SIK3: variants seen among roughly 807,000 people sequenced by gnomAD.
The protein encoded by SIK3 is serine/threonine-protein kinase SIK3.
A neutral mutation model predicts 144.2 loss-of-function variants in SIK3; 28 were observed. The observed-to-expected ratio is 0.19, with a 90% confidence interval of 0.14 to 0.27. The LOEUF is 0.27. Ranked by LOEUF, SIK3 falls within the 10% of genes least tolerant of loss-of-function variation. The pLI is 1.00. For synonymous variants in SIK3, 686 were observed against 676.3 expected (o/e 1.01, Z -0.22); for missense variants, 1,319 against 1,776.0 (o/e 0.74, Z 4.62).
intron 1 of SIK3, among the ~76,000 whole-genome samples, chr11:116,982,177 C>T (rs1950161363): frequency 6.6e-6 from 1 of 152,182 alleles, no homozygotes; most frequent in South Asian, 2.1e-4. Context: ...CCAGTAGGAC[C>T]TTCCACTATG....
intron 18 of SIK3, 92 bp from the exon 19 acceptor site, chr11:116,861,475 T>G (rs1229194460): frequency 1.1e-6 from 1 of 946,064 alleles, no homozygotes; most frequent in African/African-American, 1.7e-5. Context: ...CAGTGGAAAC[T>G]ATTTTTTTTT....
intron 6 of SIK3, among the ~76,000 whole-genome samples, chr11:116,888,376 T>C (rs923838486): frequency 2.6e-5 from 4 of 152,184 alleles, no homozygotes; most frequent in Non-Finnish European, 4.4e-5. Flanking sequence ...CAGAAGACTA[T>C]GCTCCAGGTC....
intron 1 of SIK3, among the ~76,000 whole-genome samples, chr11:117,013,904 G>GT (rs1565556551): frequency 0.036 from 2,231 of 62,286 alleles, 184 homozygotes; most frequent in African/African-American, 0.096. Context: ...TTCTGAGGGG[G>GT]GGGGGGGGAG....
chr11:116,950,218 G>C (rs1477697561), intron 3 of SIK3: 1 of 463,500 alleles, frequency 2.2e-6, no homozygotes, highest in Admixed American at 2.5e-5. Context: ...GCAATAGGCA[G>C]CTCGGGGCAG....
intron 1 of SIK3, among the ~76,000 whole-genome samples, chr11:117,013,972 CTTTTTTTTTTTTTTT>C (rs71037442): frequency 3.7e-5 from 1 of 27,044 alleles, no homozygotes; most frequent in Non-Finnish European, 7.4e-5. Flanking sequence ...TTTTTCTTTT[CTTTTTTTTTTTTTTT>C]TTTTTTTGAG....
chr11:117,094,432 C>A (rs999088801), intron 1 of SIK3, among the ~76,000 whole-genome samples: 1 of 151,850 alleles, frequency 6.6e-6, no homozygotes, highest in Admixed American at 6.6e-5. Context: ...TAATGAGACC[C>A]CCATCTCTAC....
intron 1 of SIK3, among the ~76,000 whole-genome samples, chr11:117,084,068 CTTCT>C (rs770190426): frequency 1.1e-4 from 16 of 152,218 alleles, no homozygotes; most frequent in Non-Finnish European, 1.6e-4. Context: ...ACAGCTTTGA[CTTCT>C]TTATCATTTT....
At chr11:117,042,611 C>T (rs1267234303) in intron 1 of SIK3, among the ~76,000 whole-genome samples, 1 of 152,136 alleles carries the variant, frequency 6.6e-6, no homozygotes, top group Non-Finnish European at 1.5e-5. Flanking sequence ...ACTGACTACC[C>T]GAATGTTTTC....
At chr11:116,898,106 C>T (rs1472751138) in intron 4 of SIK3, among the ~76,000 whole-genome samples, 1 of 151,864 alleles carries the variant, frequency 6.6e-6, no homozygotes, top group Admixed American at 6.6e-5. Context: ...GTATATCTCC[C>T]AATGCTATCC....
chr11:116,958,260 G>A lies in SIK3; in HGVS notation c.274-1196C>T, dbSNP rs7951842. Among the ~76,000 whole-genome samples the A allele has an allele frequency of 7.6e-3, 1,162 of 152,304 alleles. 13 individuals are homozygous for A. The highest frequency in any genetic ancestry group is 0.027 in the African/African-American group (1,118 of 41,566). On this transcript the variant is annotated intron_variant, in intron 1 of 24. Coordinates refer to ENST00000445177, the MANE Select transcript of SIK3 (RefSeq NM_001366686.3). ...TGTTTAGCTCAGAGAAATAAAGACT[G>A]TTTGGAGCCATACGTGGCAGATTAT...
intron 1 of SIK3, among the ~76,000 whole-genome samples, chr11:117,044,763 T>C (rs1952887172): frequency 2.0e-5 from 3 of 152,148 alleles, no homozygotes; most frequent in Admixed American, 1.3e-4. Flanking sequence ...TATACGCTTG[T>C]TGTCCCAGCT....
chr11:117,078,327 C>CA (rs1954639878), intron 1 of SIK3, among the ~76,000 whole-genome samples: 1 of 151,938 alleles, frequency 6.6e-6, no homozygotes, highest in African/African-American at 2.4e-5. Flanking sequence ...TCCAATGAAT[C>CA]AGTCAAATAC....
intron 7 of SIK3, 39 bp from the exon 8 acceptor site, chr11:116,876,402 T>A: frequency 6.7e-7 from 1 of 1,494,364 alleles, no homozygotes; most frequent in African/African-American, 1.4e-5. Flanking sequence ...ACCCCCCAAT[T>A]AACCACATCA....
Position 117,098,169 on chromosome 11 carries a change from C to T in SIK3, c.247G>A (p.Ala83Thr). 6.6e-7 allele frequency: 1 copy of T among 1,516,394 alleles called. No homozygotes were observed. Among genetic ancestry groups the T allele is most frequent in the Non-Finnish European group, 8.8e-7 (1 of 1,131,308 alleles). 93.9% of individuals were successfully genotyped at this position (1,516,394 alleles called of 1,614,324 possible). ...TTGGCCTTGGTGACGAGGTGCGTGGCCCGCTTGACCACCGCGAAGTTGCCC... is the reference window on the plus strand; with the variant it reads ...TTGGCCTTGGTGACGAGGTGCGTGGTCCGCTTGACCACCGCGAAGTTGCCC... ...GKGNFAVVKR[A>T]THLVTKAKVA... The change falls in exon 1 of 25, where the codon GCC becomes ACC. Residue 83 changes from alanine to threonine, a missense_variant. Ala to Thr is a moderately conservative substitution (Grantham distance 58). This residue lies in a region of SIK3 where 125 missense variants were observed against 285.2 expected (regional missense o/e 0.44). Transcript: ENST00000445177.
intron 6 of SIK3, among the ~76,000 whole-genome samples, chr11:116,882,250 G>A (rs1274397784): frequency 3.3e-5 from 5 of 152,226 alleles, no homozygotes; most frequent in African/African-American, 1.2e-4. Context: ...TAAATGGGGA[G>A]CGTTGTCTTA....
At chr11:117,050,286 T>A (rs1033817658) in intron 1 of SIK3, among the ~76,000 whole-genome samples, 2 of 149,306 alleles carry the variant, frequency 1.3e-5, no homozygotes, top group Non-Finnish European at 3.0e-5. Context: ...CAAGACTCCA[T>A]CACACACACA....
intron 14 of SIK3, among the ~76,000 whole-genome samples, chr11:116,868,426 TC>T (rs1466452741): frequency 2.0e-5 from 3 of 152,224 alleles, no homozygotes; most frequent in African/African-American, 4.8e-5. Flanking sequence ...ATTCATCTTT[TC>T]CCTCCAAATT....
At chr11:116,942,156 T>C (rs1229355685) in intron 3 of SIK3, among the ~76,000 whole-genome samples, 1 of 152,202 alleles carries the variant, frequency 6.6e-6, no homozygotes, top group African/African-American at 2.4e-5. Context: ...AACTAAGATG[T>C]TATTAAATAA....
chr11:116,892,653 G>A (rs1402698889), intron 6 of SIK3, among the ~76,000 whole-genome samples: 1 of 152,208 alleles, frequency 6.6e-6, no homozygotes, highest in Non-Finnish European at 1.5e-5. Context: ...TTGGAAGACA[G>A]TTTGGCAGTT....
Sources: allele counts gnomAD v4.1 joint callset (sites outside exome capture counted in the v4.1 genomes callset), GRCh38; gene constraint gnomAD v4.1.1; regional missense constraint gnomAD v4.1.1; transcripts MANE v1.5; gene names NCBI Gene and HGNC (gene_info 2026-07-23, HGNC 2026-07-21).